Variants in GPHN observed in about 807,000 individuals in gnomAD.
GPHN encodes gephyrin.
Under a neutral mutation model 95.5 loss-of-function variants are expected in GPHN, and 17 were observed. The ratio of observed to expected loss-of-function variants is 0.18; its 90% confidence interval spans 0.12 to 0.27. The LOEUF (loss-of-function observed/expected upper bound fraction) is 0.27, where lower values mean the gene tolerates loss of function less well. Among genes scored for constraint, GPHN ranks in the 10% least tolerant of loss-of-function variants. GPHN has a pLI of 1.00. For missense variants in GPHN, 660 were observed against 978.1 expected (o/e 0.67, Z 4.34); for synonymous variants, 320 against 322.5 (o/e 0.99, Z 0.08).
intron 2 of GPHN, among the ~76,000 whole-genome samples, chr14:66,762,570 A>C (rs1351309053): frequency 1.3e-5 from 2 of 152,174 alleles, no homozygotes; most frequent in East Asian, 3.9e-4. Context: ...AAAAAAAAAA[A>C]AAAAAAATCT....
intron 10 of GPHN, among the ~76,000 whole-genome samples, chr14:67,054,571 G>A (rs145834453): frequency 8.7e-4 from 132 of 152,150 alleles, no homozygotes; most frequent in African/African-American, 3.0e-3. Flanking sequence ...AACTACCCTT[G>A]ACATTTTTCA....
chr14:67,659,955 TG>T, the GPHN span: 36 of 1,595,542 alleles, frequency 2.3e-5, no homozygotes, highest in Non-Finnish European at 2.9e-5. Flanking sequence ...GCAGATAGCC[TG>T]GTTCTTCCCT....
intron 1 of GPHN, among the ~76,000 whole-genome samples, chr14:66,546,051 C>G (rs927463863): frequency 1.4e-5 from 2 of 146,860 alleles, no homozygotes; most frequent in African/African-American, 5.1e-5. Flanking sequence ...ACCTCCCAGA[C>G]GGGGTTGCGG....
the GPHN span, chr14:67,338,006 G>A: frequency 1.3e-5 from 2 of 152,120 alleles, no homozygotes; most frequent in African/African-American, 2.4e-5. Context: ...AGAAAGCTCT[G>A]GCTGACACTA....
chr14:67,243,746 T>C, the GPHN span, among the ~76,000 whole-genome samples: 1 of 152,036 alleles, frequency 6.6e-6, no homozygotes. Flanking sequence ...TCCGCCCGCC[T>C]CGCCCTCCCA....
At chr14:67,388,793 C>T in the GPHN span, among the ~76,000 whole-genome samples, 1 of 152,142 alleles carries the variant, frequency 6.6e-6, no homozygotes, top group East Asian at 1.9e-4. Context: ...GATTCTCCTG[C>T]CTCAGTCTCC....
At chr14:67,680,385 G>A in the GPHN span, among the ~76,000 whole-genome samples, 1 of 152,280 alleles carries the variant, frequency 6.6e-6, no homozygotes, top group East Asian at 1.9e-4. Context: ...TCTTCATAAG[G>A]TTACAGTTAA....
chr14:66,881,710 T>A (rs1596263661), intron 5 of GPHN, among the ~76,000 whole-genome samples: 1 of 151,892 alleles, frequency 6.6e-6, no homozygotes, highest in Non-Finnish European at 1.5e-5. Flanking sequence ...AAGGTTTTCC[T>A]GAATTAATTT....
At chr14:67,131,870 G>C (rs557629765) in intron 17 of GPHN, among the ~76,000 whole-genome samples, 3 of 151,930 alleles carry the variant, frequency 2.0e-5, no homozygotes, top group Non-Finnish European at 2.9e-5. Flanking sequence ...ATTGAATAAG[G>C]ATTCAACTTT....
At chr14:67,259,169 A>G in the GPHN span, among the ~76,000 whole-genome samples, 1 of 151,920 alleles carries the variant, frequency 6.6e-6, no homozygotes, top group Admixed American at 6.6e-5. Context: ...ATTGTCATAA[A>G]TGGTACCCTG....
chr14:67,210,215 T>C, the GPHN span, among the ~76,000 whole-genome samples: 1 of 152,146 alleles, frequency 6.6e-6, no homozygotes, highest in African/African-American at 2.4e-5. Flanking sequence ...ACTGGAAAAA[T>C]GGCTAACCAG....
chr14:66,756,651 C>G (rs2058567039), intron 2 of GPHN, among the ~76,000 whole-genome samples: 3 of 152,144 alleles, frequency 2.0e-5, no homozygotes, highest in Admixed American at 1.3e-4. Flanking sequence ...TTTTTACTGT[C>G]TTTTGGATGG....
chr14:67,439,450 T>C, the GPHN span, among the ~76,000 whole-genome samples: 1 of 152,170 alleles, frequency 6.6e-6, no homozygotes, highest in Non-Finnish European at 1.5e-5. Flanking sequence ...ACTGACAATT[T>C]GGGGAAAAGG....
the GPHN span, among the ~76,000 whole-genome samples, chr14:67,465,320 G>T: frequency 7.8e-6 from 1 of 128,698 alleles, no homozygotes. Context: ...CGAAGGCCCA[G>T]AGGCAGTGAA....
the GPHN span, among the ~76,000 whole-genome samples, chr14:67,342,712 ATAGT>A: frequency 6.6e-6 from 1 of 150,786 alleles, no homozygotes. Context: ...TTCTAACAAT[ATAGT>A]TAATATATCA....
At chr14:66,769,331 C>CT (rs2059077763) in intron 2 of GPHN, among the ~76,000 whole-genome samples, 1 of 151,740 alleles carries the variant, frequency 6.6e-6, no homozygotes, top group Non-Finnish European at 1.5e-5. Context: ...CCTTTTTTAA[C>CT]TTTTATTTTA....
the GPHN span, among the ~76,000 whole-genome samples, chr14:67,332,000 CTGTT>C: frequency 6.6e-6 from 1 of 152,192 alleles, no homozygotes; most frequent in Non-Finnish European, 1.5e-5. Flanking sequence ...TGTTTTCTTA[CTGTT>C]ACAGAAGTTC....
chr14:66,575,812 CTGGTGTCT>C (rs950926749), intron 1 of GPHN, among the ~76,000 whole-genome samples: 16 of 151,956 alleles, frequency 1.1e-4, no homozygotes, highest in African/African-American at 3.9e-4. Context: ...TGGGGTAGGC[CTGGTGTCT>C]GGGTGTCTGG....
intron 21 of GPHN, among the ~76,000 whole-genome samples, chr14:67,175,185 T>C (rs529011634): frequency 6.6e-6 from 1 of 152,342 alleles, no homozygotes; most frequent in Admixed American, 6.5e-5. Context: ...TGTCTAGGTT[T>C]TCTTCTAGGG....
Sources: gnomAD v4.1 joint callset for allele counts (sites outside exome capture counted in the v4.1 genomes callset) on GRCh38, gnomAD v4.1.1 for gene constraint, MANE v1.5 for transcripts, NCBI Gene and HGNC (gene_info 2026-07-23, HGNC 2026-07-21) for gene names.